JMJD1C: variants seen among roughly 807,000 people sequenced by gnomAD.
JMJD1C encodes the protein jumonji domain-containing protein 1C.
A neutral mutation model predicts 245.3 loss-of-function variants in JMJD1C; 31 were observed. The observed-to-expected ratio is 0.13, with a 90% CI of 0.09 to 0.17. The LOEUF is 0.17. Among genes scored for constraint, JMJD1C ranks in the 10% least tolerant of loss-of-function variants. JMJD1C has a pLI of 1.00. For missense variants in JMJD1C, 2,691 were observed against 3,000.2 expected, an observed-to-expected ratio of 0.90 and a Z score of 2.41; for synonymous variants, 1,057 against 1,017.4, an observed-to-expected ratio of 1.04 and a Z score of -0.74.
intron 3 of JMJD1C, among the ~76,000 whole-genome samples, 191 bp downstream of exon 3, chr10:63,264,460 A>C (rs114918384): frequency 6.6e-6 from 1 of 152,298 alleles, no homozygotes; most frequent in African/African-American, 2.4e-5. Context: ...GTAGGTTCTC[A>C]GTATATATTG....
At chr10:63,492,564 C>T (rs901571963) in intron 1 of JMJD1C, among the ~76,000 whole-genome samples, 10 of 151,958 alleles carry the variant, frequency 6.6e-5, no homozygotes, top group Non-Finnish European at 1.3e-4. Context: ...GTCACAGCTA[C>T]TCGGGACTCT....
chr10:63,328,848 G>C (rs1941821540), intron 2 of JMJD1C, among the ~76,000 whole-genome samples: 2 of 152,144 alleles, frequency 1.3e-5, no homozygotes, highest in Admixed American at 1.3e-4. Context: ...ATTTATTCTA[G>C]TTACTTTTAT....
rs1845015528 is a variant in JMJD1C at position 63,192,941 on chromosome 10, T to G, written c.6073A>C (p.Lys2025Gln). ...LAEQKAREEKKENKELTLENQ... is the reference protein window; with the variant it reads ...LAEQKAREEKQENKELTLENQ... ...CTAGATAATCAATTATGTTTACCTT[T>G]TTTTTCCTCTCTGGCTTTTTGCTCT... Residue 2025 changes from lysine to glutamine, a missense_variant, in exon 16 of 26, where the codon AAA becomes CAA. Physicochemically the swap from Lys to Gln is moderately conservative, Grantham distance 53. Coordinates refer to ENST00000399262, the MANE Select transcript of JMJD1C (RefSeq NM_032776.3). The G allele has an allele frequency of 6.2e-7, 1 of 1,612,054 alleles. No individual in the cohort carries two copies. The highest frequency in any genetic ancestry group is 8.5e-7 in the Non-Finnish European group (1 of 1,178,270).
At chr10:63,322,540 C>T (rs1242053071) in intron 2 of JMJD1C, among the ~76,000 whole-genome samples, 1 of 152,072 alleles carries the variant, frequency 6.6e-6, no homozygotes, top group East Asian at 1.9e-4. Flanking sequence ...TCTGGCCAGG[C>T]ACGGTGGCTC....
intron 2 of JMJD1C, among the ~76,000 whole-genome samples, chr10:63,340,180 C>A (rs1319258331): frequency 2.0e-5 from 3 of 152,172 alleles, no homozygotes; most frequent in Non-Finnish European, 2.9e-5. Context: ...CCTCATGTGA[C>A]AATTCACAGA....
chr10:63,343,998 A>G (rs1330807479), intron 2 of JMJD1C, among the ~76,000 whole-genome samples: 1 of 152,158 alleles, frequency 6.6e-6, no homozygotes, highest in Non-Finnish European at 1.5e-5. Context: ...AGACAGCAAC[A>G]CTACACTCCA....
intron 1 of JMJD1C, chr10:63,489,573 GA>G: frequency 1.2e-5 from 2 of 164,302 alleles, no homozygotes; most frequent in Non-Finnish European, 2.6e-5. Context: ...AAATCTCAAG[GA>G]AAAGTACTGC....
At chr10:63,340,141 ACAC>A (rs1229015101) in intron 2 of JMJD1C, among the ~76,000 whole-genome samples, 5 of 152,194 alleles carry the variant, frequency 3.3e-5, no homozygotes, top group Non-Finnish European at 5.9e-5. Flanking sequence ...CACCAAAATG[ACAC>A]CACATGTGGG....
At chr10:63,475,148 A>G (rs373803557) in intron 1 of JMJD1C, among the ~76,000 whole-genome samples, 19 of 152,196 alleles carry the variant, frequency 1.2e-4, no homozygotes, top group African/African-American at 4.1e-4. Context: ...AAATAATTAC[A>G]TCATTATTAC....
At chr10:63,336,648 C>T (rs777561710) in intron 2 of JMJD1C, among the ~76,000 whole-genome samples, 3 of 152,050 alleles carry the variant, frequency 2.0e-5, no homozygotes, top group Non-Finnish European at 2.9e-5. Context: ...TATAAAGGGT[C>T]AGCACTCACC....
intron 2 of JMJD1C, among the ~76,000 whole-genome samples, chr10:63,319,552 A>G (rs946702260): frequency 6.6e-6 from 1 of 151,622 alleles, no homozygotes; most frequent in Non-Finnish European, 1.5e-5. Flanking sequence ...TATCCCTTTA[A>G]GTATTTATTC....
rs1860385178 is a variant in JMJD1C at position 63,303,953 on chromosome 10, A to G, written c.334-39189T>C. ...TAACAATATAATAGTTTCAGAAGGA[A>G]TAGTAAGGATATCCCTGAGAAGCCA... is the stretch of plus-strand genomic sequence containing the variant. On this transcript the variant is annotated intron_variant, in intron 2 of 25. Coordinates refer to ENST00000399262, the MANE Select transcript of JMJD1C (RefSeq NM_032776.3). 2.0e-5 allele frequency among the ~76,000 whole-genome samples: 3 copies of G among 152,154 alleles called. No individual in the cohort carries two copies. In the South Asian group the frequency reaches 6.2e-4, roughly 32 times the overall value.
intron 2 of JMJD1C, among the ~76,000 whole-genome samples, chr10:63,369,070 C>A (rs1946086232): frequency 6.6e-6 from 1 of 151,986 alleles, no homozygotes; most frequent in Admixed American, 6.6e-5. Context: ...AATTAGTTAA[C>A]CATCAACTAA....
intron 2 of JMJD1C, among the ~76,000 whole-genome samples, chr10:63,322,596 C>T (rs1941005392): frequency 6.6e-6 from 1 of 152,020 alleles, no homozygotes; most frequent in South Asian, 2.1e-4. Flanking sequence ...GGGAGAATCA[C>T]AAGGTCTGGA....
At chr10:63,398,645 ATT>A (rs61130615) in intron 1 of JMJD1C, among the ~76,000 whole-genome samples, 5,854 of 122,532 alleles carry the variant, frequency 0.048, 304 homozygotes, top group African/African-American at 0.14. Context: ...CTGAAAAAAA[ATT>A]TTTTTTTTTT....
chr10:63,237,553 G>C (rs1017851695), intron 3 of JMJD1C, among the ~76,000 whole-genome samples: 20 of 152,212 alleles, frequency 1.3e-4, no homozygotes, highest in African/African-American at 4.8e-4. Flanking sequence ...AGACTTGCTA[G>C]ACTTGCCCAG....
At chr10:63,433,491 T>A (rs1950890056) in intron 1 of JMJD1C, among the ~76,000 whole-genome samples, 1 of 152,078 alleles carries the variant, frequency 6.6e-6, no homozygotes, top group Non-Finnish European at 1.5e-5. Context: ...TTCAATTACG[T>A]CATTCACAAA....
chr10:63,223,681 T>C (rs1431727502), intron 3 of JMJD1C, among the ~76,000 whole-genome samples: 2 of 152,260 alleles, frequency 1.3e-5, no homozygotes, highest in Non-Finnish European at 2.9e-5. Context: ...ACCAGTTGCC[T>C]ATGTTTAAAT....
At chr10:63,198,474 T>G in intron 12 of JMJD1C, 39 bp downstream of exon 12, 1 of 1,231,452 alleles carries the variant, frequency 8.1e-7, no homozygotes, top group South Asian at 1.4e-5. Flanking sequence ...ATTCTTAAAA[T>G]GAAATTTGTG....
Sources: allele counts gnomAD v4.1 joint callset (sites outside exome capture counted in the v4.1 genomes callset), GRCh38; gene constraint gnomAD v4.1.1; transcripts MANE v1.5; gene names NCBI Gene and HGNC (gene_info 2026-07-23, HGNC 2026-07-21).